Variants in DNM3 observed in about 807,000 individuals in gnomAD.
DNM3 encodes dynamin 3, also known as dynamin-3.
In DNM3, 47 loss-of-function variants were observed where a neutral mutation model predicts 101.6. The ratio of observed to expected loss-of-function variants is 0.46; its 90% CI spans 0.37 to 0.59. The LOEUF (loss-of-function observed/expected upper bound fraction) is 0.59. Among genes scored for constraint, DNM3 ranks in the 20% least tolerant of loss-of-function variants. The pLI is 0.00. For missense variants in DNM3, 849 were observed against 1,085.7 expected (o/e 0.78, Z 3.06); for synonymous variants, 385 against 387.9 (o/e 0.99, Z 0.09).
intron 14 of DNM3, among the ~76,000 whole-genome samples, chr1:172,174,362 T>A (rs2059077647): frequency 6.6e-6 from 1 of 151,664 alleles, no homozygotes; most frequent in African/African-American, 2.4e-5. Flanking sequence ...CCTGTCCTGC[T>A]GAACTGTGGA....
chr1:171,886,361 A>G (rs1363974477), intron 1 of DNM3, among the ~76,000 whole-genome samples: 1 of 152,188 alleles, frequency 6.6e-6, no homozygotes, highest in East Asian at 1.9e-4. Context: ...TAATGGGTAT[A>G]TAATAGAAGG....
At chr1:171,923,502 A>G (rs1283567869) in intron 2 of DNM3, among the ~76,000 whole-genome samples, 2 of 147,216 alleles carry the variant, frequency 1.4e-5, no homozygotes, top group African/African-American at 2.5e-5. Flanking sequence ...AAGATTTTTT[A>G]TTTTGGTGAA....
At chr1:172,240,413 A>G (rs2061706972) in intron 14 of DNM3, among the ~76,000 whole-genome samples, 1 of 152,258 alleles carries the variant, frequency 6.6e-6, no homozygotes, top group South Asian at 2.1e-4. Context: ...TAAACCATTC[A>G]TCTACTGAGT....
chr1:172,039,191 G>A (rs181593459), intron 7 of DNM3, among the ~76,000 whole-genome samples: 1 of 152,074 alleles, frequency 6.6e-6, no homozygotes, highest in Non-Finnish European at 1.5e-5. Flanking sequence ...TGCCACTTGT[G>A]TCAAGTCCCT....
intron 15 of DNM3, among the ~76,000 whole-genome samples, chr1:172,263,021 T>C (rs530530936): frequency 6.6e-6 from 1 of 152,346 alleles, no homozygotes; most frequent in Admixed American, 6.5e-5. Flanking sequence ...TTTGGAGCTT[T>C]GGCATGTAAA....
At chr1:172,308,153 G>A (rs1382155896) in intron 15 of DNM3, among the ~76,000 whole-genome samples, 1 of 152,130 alleles carries the variant, frequency 6.6e-6, no homozygotes, top group Non-Finnish European at 1.5e-5. Flanking sequence ...TGCATTTTAT[G>A]TAATATCAGG....
intron 20 of DNM3, among the ~76,000 whole-genome samples, chr1:172,406,261 T>C (rs2070875954): frequency 6.6e-6 from 1 of 152,032 alleles, no homozygotes; most frequent in Non-Finnish European, 1.5e-5. Flanking sequence ...TCTCAGAAGA[T>C]GACCAAAATG....
At chr1:172,058,828 C>A (rs2050882401) in intron 10 of DNM3, among the ~76,000 whole-genome samples, 1 of 150,502 alleles carries the variant, frequency 6.6e-6, no homozygotes, top group Admixed American at 6.6e-5. Context: ...TAGCAGAAGG[C>A]AAGAAATAAC....
intron 1 of DNM3, among the ~76,000 whole-genome samples, chr1:171,912,346 G>GA (rs914644991): frequency 1.3e-5 from 2 of 152,020 alleles, no homozygotes; most frequent in African/African-American, 4.8e-5. Flanking sequence ...ATTTAATGGG[G>GA]AAAAATATCA....
intron 4 of DNM3, among the ~76,000 whole-genome samples, chr1:172,008,961 T>C (rs949150680): frequency 1.5e-4 from 21 of 138,408 alleles, no homozygotes; most frequent in Admixed American, 1.5e-4. Context: ...TATTAATATA[T>C]TTATATATTA....
chr1:172,348,264 T>C (rs12141605), intron 17 of DNM3, among the ~76,000 whole-genome samples: 11,599 of 152,220 alleles, frequency 0.076, 507 homozygotes, highest in South Asian at 0.15. Context: ...CTAAAATTGT[T>C]GAAGTCTAAC....
intron 15 of DNM3, among the ~76,000 whole-genome samples, chr1:172,305,141 C>T (rs926492069): frequency 4.0e-5 from 6 of 151,828 alleles, no homozygotes; most frequent in African/African-American, 1.5e-4. Flanking sequence ...ACTAGCAAGA[C>T]TAATAAAGAA....
At chr1:172,148,861 T>G (rs1258336561) in intron 14 of DNM3, among the ~76,000 whole-genome samples, 1 of 152,126 alleles carries the variant, frequency 6.6e-6, no homozygotes, top group African/African-American at 2.4e-5. Flanking sequence ...AGATATGTTG[T>G]AGCAGAGCAT....
At chr1:172,043,963 G>T (rs2049585066) in intron 8 of DNM3, among the ~76,000 whole-genome samples, 1 of 152,040 alleles carries the variant, frequency 6.6e-6, no homozygotes, top group Non-Finnish European at 1.5e-5. Context: ...GATTTAAGTG[G>T]CCAGGGACAA....
intron 17 of DNM3, among the ~76,000 whole-genome samples, chr1:172,373,923 G>A (rs1233964714): frequency 1.3e-5 from 2 of 151,914 alleles, no homozygotes; most frequent in Admixed American, 1.3e-4. Flanking sequence ...GTAAACTAAA[G>A]GTTTGCCTAA....
At chr1:171,865,572 A>G (rs1048954110) in intron 1 of DNM3, among the ~76,000 whole-genome samples, 1 of 151,622 alleles carries the variant, frequency 6.6e-6, no homozygotes, top group Non-Finnish European at 1.5e-5. Flanking sequence ...GGCAGGACCA[A>G]GGTAAGATAA....
At chr1:172,293,900 T>C (rs2064036926) in intron 15 of DNM3, among the ~76,000 whole-genome samples, 1 of 152,216 alleles carries the variant, frequency 6.6e-6, no homozygotes, top group African/African-American at 2.4e-5. Context: ...AAAGCTGAAT[T>C]CTTCAGATCT....
intron 1 of DNM3, among the ~76,000 whole-genome samples, chr1:171,871,498 T>C (rs564164499): frequency 2.6e-5 from 4 of 152,304 alleles, no homozygotes; most frequent in Admixed American, 2.0e-4. Flanking sequence ...TCATGTAGGA[T>C]GTGGGATCAT....
intron 1 of DNM3, among the ~76,000 whole-genome samples, chr1:171,854,544 GC>G (rs1404288970): frequency 2.6e-5 from 4 of 152,062 alleles, no homozygotes; most frequent in Non-Finnish European, 4.4e-5. Flanking sequence ...AGGCTGGAGT[GC>G]AGTGGCGGGA....
Sources: gnomAD v4.1 joint callset for allele counts (sites outside exome capture counted in the v4.1 genomes callset) on GRCh38, gnomAD v4.1.1 for gene constraint, MANE v1.5 for transcripts, NCBI Gene and HGNC (gene_info 2026-07-23, HGNC 2026-07-21) for gene names.